The following PCDH7 variants were observed in gnomAD, a reference collection of about 807,000 sequenced individuals.
The protein encoded by PCDH7 is protocadherin 7.
A neutral mutation model predicts 58.9 loss-of-function variants in PCDH7; 17 were observed. The observed-to-expected ratio is 0.29, with a 90% confidence interval of 0.20 to 0.43. The LOEUF (loss-of-function observed/expected upper bound fraction) is 0.43. Ranked by LOEUF, PCDH7 falls within the 20% of genes least tolerant of loss-of-function variation. The pLI, the probability that PCDH7 is intolerant of heterozygous loss-of-function variation, is 1.00. For missense variants in PCDH7, 1,274 were observed against 1,441.0 expected (o/e 0.88, Z 1.88); for synonymous variants, 664 against 616.4 (o/e 1.08, Z -1.14).
intron 3 of PCDH7, among the ~76,000 whole-genome samples, chr4:31,112,045 A>C (rs1410077105): frequency 6.6e-6 from 1 of 152,222 alleles, no homozygotes; most frequent in Non-Finnish European, 1.5e-5. Flanking sequence ...TAAATGTGTT[A>C]TTGTAAAATC....
chr4:30,851,436 T>C (rs1402833054), intron 1 of PCDH7, among the ~76,000 whole-genome samples: 1 of 151,968 alleles, frequency 6.6e-6, no homozygotes, highest in East Asian at 1.9e-4. Context: ...CATTCTCTGG[T>C]CGAGTATATT....
chr4:30,756,009 G>T (rs1382883924), intron 1 of PCDH7, among the ~76,000 whole-genome samples: 2 of 152,090 alleles, frequency 1.3e-5, no homozygotes, highest in Non-Finnish European at 2.9e-5. Flanking sequence ...AACCCAGGAG[G>T]TGGAGGTTGC....
intron 1 of PCDH7, among the ~76,000 whole-genome samples, chr4:30,897,267 C>T (rs1739573260): frequency 6.6e-6 from 1 of 152,140 alleles, no homozygotes; most frequent in African/African-American, 2.4e-5. Flanking sequence ...ACTATACAAA[C>T]ATTGAAAGTG....
intron 1 of PCDH7, among the ~76,000 whole-genome samples, chr4:30,918,884 T>C (rs1742817128): frequency 6.6e-6 from 1 of 152,124 alleles, no homozygotes; most frequent in Non-Finnish European, 1.5e-5. Flanking sequence ...AAAACTAATT[T>C]ATAAATTAGG....
intron 1 of PCDH7, among the ~76,000 whole-genome samples, chr4:30,747,969 G>T (rs1361014852): frequency 6.6e-6 from 1 of 152,062 alleles, no homozygotes; most frequent in East Asian, 1.9e-4. Context: ...ACTGTATCTT[G>T]CTTTTCCCTC....
chr4:31,061,965 T>C (rs1279484557), intron 3 of PCDH7, among the ~76,000 whole-genome samples: 1 of 151,734 alleles, frequency 6.6e-6, no homozygotes, highest in Non-Finnish European at 1.5e-5. Flanking sequence ...GGAAACACTC[T>C]ACTTTATGAT....
intron 3 of PCDH7, among the ~76,000 whole-genome samples, chr4:31,020,633 G>T (rs982918136): frequency 1.3e-5 from 2 of 152,192 alleles, no homozygotes; most frequent in African/African-American, 2.4e-5. Context: ...CAGGACCTGT[G>T]TGCAGAAGGG....
At chr4:31,102,866 T>G (rs531771874) in intron 3 of PCDH7, among the ~76,000 whole-genome samples, 1 of 152,196 alleles carries the variant, frequency 6.6e-6, no homozygotes, top group East Asian at 1.9e-4. Context: ...TAATTTAGAT[T>G]CATTGTGAGA....
intron 3 of PCDH7, among the ~76,000 whole-genome samples, chr4:31,115,212 T>A (rs1422346639): frequency 6.6e-6 from 1 of 152,204 alleles, no homozygotes; most frequent in Non-Finnish European, 1.5e-5. Context: ...TAGAAATGCA[T>A]GTATTGAATG....
chr4:31,078,187 G>A (rs1244648097), intron 3 of PCDH7, among the ~76,000 whole-genome samples: 3 of 152,110 alleles, frequency 2.0e-5, no homozygotes, highest in Non-Finnish European at 4.4e-5. Context: ...CATTGGGAGG[G>A]ACGCAGCAAG....
At chr4:30,940,841 C>T (rs1320712555) in intron 2 of PCDH7, among the ~76,000 whole-genome samples, 2 of 151,934 alleles carry the variant, frequency 1.3e-5, no homozygotes, top group Non-Finnish European at 2.9e-5. Context: ...TGCACATGTA[C>T]CTCGCTCCTG....
At chr4:31,140,850 A>G (rs990558497) in intron 3 of PCDH7, among the ~76,000 whole-genome samples, 11 of 152,190 alleles carry the variant, frequency 7.2e-5, no homozygotes, top group Non-Finnish European at 1.5e-4. Context: ...GCTCACTTGT[A>G]AGTCAAATGG....
In PCDH7 at chr4:30,915,302, T is replaced by C. The variant is rs374803126; in HGVS notation, c.71-4851T>C. ...TTCTCCATTGATTGACAAGCCAATC[T>C]TCTACTTCTTTTGGTCCAACCTACA... On this transcript the variant is annotated intron_variant, in intron 1 of 3. Transcript: ENST00000509759. Among the ~76,000 whole-genome samples the C allele has an allele frequency of 3.3e-5, 5 of 152,182 alleles. No individual in the cohort carries two copies. The East Asian group carries it at 5.8e-4, about 18-fold the overall frequency.
chr4:30,907,345 G>T (rs1171911343), intron 1 of PCDH7, among the ~76,000 whole-genome samples: 1 of 152,132 alleles, frequency 6.6e-6, no homozygotes, highest in South Asian at 2.1e-4. Flanking sequence ...GAAAATTTTT[G>T]CAATCTACCC....
intron 3 of PCDH7, among the ~76,000 whole-genome samples, chr4:30,956,591 G>A (rs1196850493): frequency 6.6e-6 from 1 of 152,166 alleles, no homozygotes. Context: ...ATTTGCAAAA[G>A]TAATTTAATT....
intron 3 of PCDH7, among the ~76,000 whole-genome samples, chr4:31,116,219 A>T (rs553970325): frequency 6.6e-6 from 1 of 152,304 alleles, no homozygotes; most frequent in South Asian, 2.1e-4. Flanking sequence ...TCCTGCACAC[A>T]TCATGGTACC....
At chr4:30,729,412 T>G (rs1715147567) in intron 1 of PCDH7, among the ~76,000 whole-genome samples, 1 of 151,980 alleles carries the variant, frequency 6.6e-6, no homozygotes, top group Admixed American at 6.6e-5. Context: ...AAAATATAAT[T>G]CAAAATTTAC....
chr4:30,802,525 G>C (rs1002779381), intron 1 of PCDH7, among the ~76,000 whole-genome samples: 1 of 152,090 alleles, frequency 6.6e-6, no homozygotes, highest in African/African-American at 2.4e-5. Flanking sequence ...GAGGCAGGAA[G>C]GAGTGGAATC....
intron 1 of PCDH7, among the ~76,000 whole-genome samples, chr4:30,910,253 G>A (rs1171724288): frequency 6.6e-6 from 1 of 152,074 alleles, no homozygotes; most frequent in Non-Finnish European, 1.5e-5. Flanking sequence ...TACCATTCAG[G>A]ACATAGGCAT....
Sources: allele counts gnomAD v4.1 joint callset (sites outside exome capture counted in the v4.1 genomes callset), GRCh38; gene constraint gnomAD v4.1.1; transcripts MANE v1.5; gene names NCBI Gene and HGNC (gene_info 2026-07-23, HGNC 2026-07-21).